ARHGAP32: variants seen among roughly 807,000 people sequenced by gnomAD.
The protein encoded by ARHGAP32 is Rho GTPase activating protein 32, also known as rho GTPase-activating protein 32.
ARHGAP32 carries 51 observed loss-of-function variants against 186.5 expected under a neutral mutation model. That is an observed-to-expected ratio of 0.27 (90% CI 0.22 to 0.35). ARHGAP32 has a LOEUF of 0.35. Among genes scored for constraint, ARHGAP32 ranks in the 10% least tolerant of loss-of-function variants. ARHGAP32 has a pLI of 1.00. For missense variants in ARHGAP32, 2,186 were observed against 2,623.5 expected (o/e 0.83, Z 3.64); for synonymous variants, 950 against 964.3 (o/e 0.99, Z 0.27).
At chr11:129,093,149 G>A (rs879545163) in intron 6 of ARHGAP32, among the ~76,000 whole-genome samples, 1 of 152,064 alleles carries the variant, frequency 6.6e-6, no homozygotes, top group South Asian at 2.1e-4. Context: ...GTGTGCATCT[G>A]AAGCAGAGAT....
At chr11:129,051,750 A>C (rs1940051162) in intron 10 of ARHGAP32, among the ~76,000 whole-genome samples, 1 of 151,990 alleles carries the variant, frequency 6.6e-6, no homozygotes, top group African/African-American at 2.4e-5. Context: ...AGGTCAGGAG[A>C]TCGAGACCAT....
chr11:128,983,462 A>G (rs557201159), intron 15 of ARHGAP32, among the ~76,000 whole-genome samples: 92 of 150,290 alleles, frequency 6.1e-4, no homozygotes, highest in African/African-American at 2.2e-3. Context: ...CATGGACACA[A>G]GAAGGGGAAC....
At chr11:129,059,470 T>A (rs1271734837) in intron 10 of ARHGAP32, among the ~76,000 whole-genome samples, 1 of 151,828 alleles carries the variant, frequency 6.6e-6, no homozygotes, top group Admixed American at 6.6e-5. Flanking sequence ...GAACTGTGGA[T>A]TCCTGCCTTA....
At chr11:129,216,669 TA>T (rs201308944) in intron 1 of ARHGAP32, among the ~76,000 whole-genome samples, 97 of 119,076 alleles carry the variant, frequency 8.1e-4, no homozygotes, top group East Asian at 1.3e-3. Context: ...AGACTGTCTT[TA>T]AAAAAAAAAA....
intron 19 of ARHGAP32, among the ~76,000 whole-genome samples, chr11:128,977,304 C>T (rs1945574198): frequency 6.6e-6 from 1 of 152,158 alleles, no homozygotes; most frequent in Admixed American, 6.5e-5. Context: ...GAATCTTATT[C>T]GCTAAATATC....
intron 6 of ARHGAP32, among the ~76,000 whole-genome samples, chr11:129,075,075 G>A (rs1940995402): frequency 6.6e-6 from 1 of 152,000 alleles, no homozygotes; most frequent in Non-Finnish European, 1.5e-5. Context: ...ACACAAAAAG[G>A]AGACAAAGTA....
At chr11:129,083,088 A>G (rs1941267947) in intron 6 of ARHGAP32, among the ~76,000 whole-genome samples, 1 of 152,178 alleles carries the variant, frequency 6.6e-6, no homozygotes, top group Non-Finnish European at 1.5e-5. Context: ...ATTTAAAAAT[A>G]AAAAAATAAC....
intron 5 of ARHGAP32, among the ~76,000 whole-genome samples, chr11:129,097,186 G>C (rs931857708): frequency 6.6e-6 from 1 of 151,934 alleles, no homozygotes; most frequent in Non-Finnish European, 1.5e-5. Context: ...GAATCAAAAT[G>C]AATCATGGTG....
At chr11:129,148,643 T>A (rs1206900519) in intron 2 of ARHGAP32, among the ~76,000 whole-genome samples, 3 of 152,048 alleles carry the variant, frequency 2.0e-5, no homozygotes, top group Non-Finnish European at 4.4e-5. Flanking sequence ...CAAACAGGAA[T>A]TGCTTCAGAT....
At position 129,123,589 on chromosome 11, in the gene ARHGAP32, T is replaced by G; in HGVS notation, c.360-59A>C. On this transcript the variant is annotated intron_variant, in intron 4 of 22. Coordinates refer to ENST00000682385, the MANE Select transcript of ARHGAP32 (RefSeq NM_001378024.1). This position sits in a 1 kb window ranked among gnomAD's most constrained non-coding sequence, Gnocchi z 4.6. ...GTGAAACAGTAAAAATTACTAAGTT[T>G]AAGGGAAAAATACAGTGGATTTAAG... 1 of 1,485,276 alleles carries G rather than the reference T, an allele frequency of 6.7e-7. No individual in the cohort carries two copies. The highest frequency in any genetic ancestry group is 9.3e-7 in the Non-Finnish European group (1 of 1,072,686). 92.0% of individuals were successfully genotyped at this position (1,485,276 alleles called of 1,614,324 possible). A position where few individuals can be genotyped will look rare whatever the true frequency, so the allele number is the denominator to read the frequency against.
chr11:128,991,771 A>C (rs1287120512), intron 12 of ARHGAP32, among the ~76,000 whole-genome samples: 1 of 152,216 alleles, frequency 6.6e-6, no homozygotes, highest in Non-Finnish European at 1.5e-5. Flanking sequence ...ATACGACAAC[A>C]GAATAAGAAG....
Position 128,998,511 on chromosome 11 carries a change from G to A in ARHGAP32, c.1046-43C>T, listed in dbSNP as rs780694147. Reference sequence around the variant, plus strand: ...GAAAAGATCTTAGTTGTGGCAAGAGGTTACATTTTACTTAGCATAAAAACA... The same window carrying A: ...GAAAAGATCTTAGTTGTGGCAAGAGATTACATTTTACTTAGCATAAAAACA... On this transcript the variant is annotated intron_variant, in intron 11 of 22. Coordinates refer to ENST00000682385, the MANE Select transcript of ARHGAP32 (RefSeq NM_001378024.1). The A allele has an allele frequency of 3.5e-6, 5 of 1,447,546 alleles. No homozygotes were observed. The African/African-American group carries it at 5.7e-5, about 16-fold the overall frequency. The allele number at this position is 1,447,546 out of a possible 1,614,324, so 89.7% of individuals were successfully genotyped here. A position where few individuals can be genotyped will look rare whatever the true frequency, so the allele number is the denominator to read the frequency against.
chr11:129,052,648 A>T (rs1373208146), intron 10 of ARHGAP32, among the ~76,000 whole-genome samples: 3 of 150,360 alleles, frequency 2.0e-5, no homozygotes, highest in East Asian at 3.9e-4. Context: ...TCCTATTTTT[A>T]GTACTATTAT....
intron 11 of ARHGAP32, among the ~76,000 whole-genome samples, chr11:129,026,190 A>G (rs1418202240): frequency 6.6e-6 from 1 of 152,144 alleles, no homozygotes; most frequent in African/African-American, 2.4e-5. Flanking sequence ...ATAATGTACT[A>G]CTATATAGTT....
intron 1 of ARHGAP32, among the ~76,000 whole-genome samples, chr11:129,221,473 T>A (rs966725513): frequency 1.4e-5 from 2 of 146,806 alleles, no homozygotes; most frequent in African/African-American, 5.1e-5. Context: ...TTTGTAATTG[T>A]CATTACTGTG....
intron 7 of ARHGAP32, 97 bp downstream of exon 7, chr11:129,066,634 G>T: frequency 1.8e-6 from 2 of 1,119,640 alleles, no homozygotes; most frequent in Non-Finnish European, 2.4e-6. Context: ...GAATCACCCT[G>T]CGTGTTCAGT....
chr11:129,205,865 T>C (rs1280474489), intron 1 of ARHGAP32, among the ~76,000 whole-genome samples: 4 of 152,168 alleles, frequency 2.6e-5, no homozygotes, highest in Non-Finnish European at 5.9e-5. Context: ...ACTTAGTATG[T>C]ACTCAAATAT....
In ARHGAP32 at chr11:129,099,680, A is replaced by G. The variant is rs113061053; in HGVS notation, c.445-5973T>C. ...TAAATAAAACAGACACTAAACCAAA[A>G]AGTTTAGAAACAAAAAAGAATAGTA... is the stretch of plus-strand genomic sequence containing the variant. On this transcript the variant is annotated intron_variant, in intron 5 of 22. Transcript: ENST00000682385. Among the ~76,000 whole-genome samples the G allele has an allele frequency of 8.3e-3, 1,257 of 152,274 alleles. 4 individuals carry two copies. The highest frequency in any genetic ancestry group is 0.013 in the Non-Finnish European group (901 of 68,020).
rs1424489743 is a variant in ARHGAP32, at chr11:129,093,590, TATGAA to T, written c.531+26_531+30del. 1.4e-5 allele frequency: 20 copies of T among 1,478,718 alleles called. No homozygotes were observed. In the African/African-American group the frequency reaches 2.8e-4, roughly 20 times the overall value. 91.6% of individuals were successfully genotyped at this position (1,478,718 alleles called of 1,614,324 possible). On this transcript the variant is annotated intron_variant, in intron 6 of 22. Transcript: ENST00000682385. ...TCACTCAACCTAATTCTTAACTTCA[TATGAA>T]ATGGAGAATACATTCACAAAATCAC... is the stretch of plus-strand genomic sequence containing the variant.
Sources: gnomAD v4.1 joint callset for allele counts (sites outside exome capture counted in the v4.1 genomes callset) on GRCh38, gnomAD v4.1.1 for gene constraint, Gnocchi (gnomAD v3.1) non-coding constraint, MANE v1.5 for transcripts, NCBI Gene and HGNC (gene_info 2026-07-23, HGNC 2026-07-21) for gene names.